Variants in LRRC7 observed in about 807,000 individuals in gnomAD.
LRRC7 encodes the protein leucine-rich repeat-containing protein 7.
In LRRC7, 23 loss-of-function variants were observed where a neutral mutation model predicts 175.7. The observed-to-expected ratio is 0.13, with a 90% CI of 0.09 to 0.19. The LOEUF (loss-of-function observed/expected upper bound fraction) is 0.19, where lower values mean the gene tolerates loss of function less well. LRRC7 is among the 10% of genes least tolerant of loss of function. LRRC7 has a pLI of 1.00. For synonymous variants in LRRC7, 685 were observed against 680.9 expected (o/e 1.01, Z -0.09); for missense variants, 1,354 against 1,904.7 (o/e 0.71, Z 5.38).
rs566184871 is a variant in LRRC7 at position 69,856,566 on chromosome 1, G to C, written c.647+18283G>C. Among the ~76,000 whole-genome samples the C allele has an allele frequency of 7.2e-5, 11 of 152,260 alleles. No individual in the cohort carries two copies. In the East Asian group the frequency reaches 2.1e-3, roughly 29 times the overall value. The stretch of plus-strand genomic sequence containing the variant: ...CACCCTCCCAAGACTAAACCAGGAA[G>C]AAATTGAATCCCTGAATAGACCAAT... On this transcript the variant is annotated intron_variant, in intron 7 of 26. Coordinates refer to ENST00000651989, the MANE Select transcript of LRRC7 (RefSeq NM_001370785.2).
intron 7 of LRRC7, among the ~76,000 whole-genome samples, chr1:69,913,286 C>T (rs968423098): frequency 4.6e-5 from 7 of 152,070 alleles, no homozygotes; most frequent in African/African-American, 1.7e-4. Flanking sequence ...ATGCCATAAG[C>T]CAGTTTGACT....
chr1:70,016,938 A>G (rs115823997), intron 14 of LRRC7, among the ~76,000 whole-genome samples: 3,882 of 152,260 alleles, frequency 0.025, 103 homozygotes, highest in Admixed American at 0.082. Context: ...CTTTCTTCTT[A>G]TCCTTTTAAT....
Position 69,886,293 on chromosome 1 carries a change from G to T in LRRC7, c.648-45214G>T, listed in dbSNP as rs1183608099. On this transcript the variant is annotated intron_variant, in intron 7 of 26. Transcript: ENST00000651989. ...CACTCAGGACTTGCTTTACGAATCTGGGTGCTCCTGTATTGGGTGCATATA... is the reference window on the plus strand; with the variant it reads ...CACTCAGGACTTGCTTTACGAATCTTGGTGCTCCTGTATTGGGTGCATATA... Among the ~76,000 whole-genome samples, 14 of 151,766 alleles carry T rather than the reference G, an allele frequency of 9.2e-5. No individual in the cohort carries two copies. In the South Asian group the frequency reaches 2.1e-3, roughly 23 times the overall value.
chr1:69,671,736 C>T (rs771780246), intron 1 of LRRC7, among the ~76,000 whole-genome samples: 4 of 152,118 alleles, frequency 2.6e-5, no homozygotes, highest in African/African-American at 4.8e-5. Context: ...CCTCTGTGGT[C>T]GGGCATCAGC....
chr1:69,825,640 A>T, intron 4 of LRRC7, 108 bp from the exon 5 acceptor site: 1 of 554,294 alleles, frequency 1.8e-6, no homozygotes, highest in East Asian at 3.3e-5. Context: ...AATGGTGTTT[A>T]CATCATGTAC....
intron 7 of LRRC7, among the ~76,000 whole-genome samples, chr1:69,898,582 G>A (rs1433141322): frequency 6.6e-6 from 1 of 152,202 alleles, no homozygotes; most frequent in Non-Finnish European, 1.5e-5. Flanking sequence ...GAATGCCACA[G>A]TTTGCACTGG....
Position 69,641,565 on chromosome 1 carries a change from T to C in LRRC7, c.3-36816T>C, listed in dbSNP as rs1654213843. 2.0e-5 allele frequency among the ~76,000 whole-genome samples: 3 copies of C among 151,686 alleles called. No homozygotes were observed. The South Asian group carries it at 6.2e-4, about 31-fold the overall frequency. The stretch of plus-strand genomic sequence containing the variant: ...AATTACAAGCTACTTATAATTTGTA[T>C]GCATATTTTTATTCCTATGGAAGCA... On this transcript the variant is annotated intron_variant, in intron 1 of 26. Transcript: ENST00000651989.
chr1:69,985,731 A>G (rs1653881966), intron 9 of LRRC7, among the ~76,000 whole-genome samples: 1 of 152,184 alleles, frequency 6.6e-6, no homozygotes, highest in Middle Eastern at 3.2e-3. Context: ...GAATCATACA[A>G]TGTGTGGTCT....
At chr1:70,111,903 T>A (rs1369943992) in intron 26 of LRRC7, among the ~76,000 whole-genome samples, 1 of 152,194 alleles carries the variant, frequency 6.6e-6, no homozygotes. Context: ...ATCTAGATTT[T>A]GCCAATAACC....
At chr1:69,774,123 T>C (rs1470850598) in intron 3 of LRRC7, among the ~76,000 whole-genome samples, 1 of 152,080 alleles carries the variant, frequency 6.6e-6, no homozygotes, top group Non-Finnish European at 1.5e-5. Flanking sequence ...AGGCATAGAA[T>C]CCAGGGACCA....
intron 7 of LRRC7, among the ~76,000 whole-genome samples, chr1:69,910,232 A>T (rs1330445859): frequency 6.6e-6 from 1 of 152,188 alleles, no homozygotes; most frequent in African/African-American, 2.4e-5. Flanking sequence ...CTGGTGAGGA[A>T]GTGCGTTCCT....
intron 23 of LRRC7, among the ~76,000 whole-genome samples, chr1:70,058,599 A>G (rs1369053500): frequency 6.6e-6 from 1 of 152,208 alleles, no homozygotes; most frequent in Non-Finnish European, 1.5e-5. Flanking sequence ...AAATCTTTAC[A>G]TAAGGCATTG....
chr1:69,662,188 A>G (rs115335085), intron 1 of LRRC7, among the ~76,000 whole-genome samples: 3,069 of 152,272 alleles, frequency 0.02, 71 homozygotes, highest in African/African-American at 0.06. Context: ...TAAATAATAT[A>G]TGTAAAGATG....
chr1:69,917,839 A>G (rs951458698), intron 7 of LRRC7, among the ~76,000 whole-genome samples: 9 of 152,282 alleles, frequency 5.9e-5, no homozygotes, highest in Non-Finnish European at 1.3e-4. Context: ...GTTGTATTGC[A>G]TATATAAGAT....
At chr1:69,768,810 C>T (rs1007191458) in intron 3 of LRRC7, among the ~76,000 whole-genome samples, 22 of 152,156 alleles carry the variant, frequency 1.4e-4, no homozygotes, top group African/African-American at 5.3e-4. Context: ...CCTAATACAA[C>T]ACACTGTTTG....
intron 4 of LRRC7, among the ~76,000 whole-genome samples, chr1:69,794,978 T>G (rs562679968): frequency 6.6e-6 from 1 of 152,338 alleles, no homozygotes; most frequent in Non-Finnish European, 1.5e-5. Flanking sequence ...CACTCTGCAA[T>G]ACTAGTATAG....
chr1:69,594,132 C>T (rs952779379), intron 1 of LRRC7, among the ~76,000 whole-genome samples: 4 of 152,094 alleles, frequency 2.6e-5, no homozygotes, highest in East Asian at 1.9e-4. Context: ...TTTTACTGTC[C>T]GTATAACATT....
intron 2 of LRRC7, among the ~76,000 whole-genome samples, chr1:69,712,055 G>A (rs1166537717): frequency 6.6e-6 from 1 of 152,122 alleles, no homozygotes; most frequent in Non-Finnish European, 1.5e-5. Flanking sequence ...CTAGAAACCA[G>A]AAATGCCACT....
At chr1:69,960,438 T>C (rs1650942061) in intron 8 of LRRC7, among the ~76,000 whole-genome samples, 2 of 152,142 alleles carry the variant, frequency 1.3e-5, no homozygotes, top group African/African-American at 4.8e-5. Flanking sequence ...AGCTAGCTCC[T>C]GGATTCGTTG....
Sources: allele counts gnomAD v4.1 joint callset (sites outside exome capture counted in the v4.1 genomes callset), GRCh38; gene constraint gnomAD v4.1.1; transcripts MANE v1.5; gene names NCBI Gene and HGNC (gene_info 2026-07-23, HGNC 2026-07-21).